MON2: variants seen among roughly 807,000 people sequenced by gnomAD.
The protein encoded by MON2 is MON2 regulator of endosome-to-Golgi trafficking.
Under a neutral mutation model 208.6 loss-of-function variants are expected in MON2, and 84 were observed. The observed-to-expected ratio is 0.40, with a 90% CI of 0.34 to 0.48. MON2 has a LOEUF of 0.48. Ranked by LOEUF, MON2 falls within the 20% of genes least tolerant of loss-of-function variation. The pLI is 0.59. For missense variants in MON2, 1,611 were observed against 2,015.4 expected, an observed-to-expected ratio of 0.80 and a Z score of 3.84; for synonymous variants, 660 against 694.0, an observed-to-expected ratio of 0.95 and a Z score of 0.77.
At chr12:62,471,473 C>T (rs1002606778) in intron 1 of MON2, among the ~76,000 whole-genome samples, 3 of 152,178 alleles carry the variant, frequency 2.0e-5, no homozygotes, top group African/African-American at 7.2e-5. Flanking sequence ...CGTGAGCCAC[C>T]ACACCCAGCA....
intron 2 of MON2, among the ~76,000 whole-genome samples, chr12:62,485,696 TTTTG>T (rs1292217965): frequency 2.6e-5 from 4 of 152,150 alleles, no homozygotes; most frequent in African/African-American, 4.8e-5. Context: ...AGTGGGTTTT[TTTTG>T]TTTGTCTGTT....
At chr12:62,488,652 A>G (rs555635691) in intron 2 of MON2, among the ~76,000 whole-genome samples, 2 of 152,290 alleles carry the variant, frequency 1.3e-5, no homozygotes, top group South Asian at 4.1e-4. Flanking sequence ...TCTAAAATCC[A>G]GGCTAGAAGA....
intron 2 of MON2, among the ~76,000 whole-genome samples, chr12:62,487,162 A>G (rs1355333827): frequency 1.3e-5 from 2 of 152,248 alleles, no homozygotes; most frequent in African/African-American, 4.8e-5. Context: ...CATTATTTCA[A>G]AATTTCCATT....
rs982285221 is a variant in MON2, at chr12:62,596,231, C to T, written c.*3482C>T. On this transcript the variant is annotated 3_prime_UTR_variant, in exon 35 of 35. Coordinates refer to ENST00000393630, the MANE Select transcript of MON2 (RefSeq NM_015026.3). ...GAGGTGGTCATTATTACATTTGTGT[C>T]AATGAAGGGCAGTGTAGTTATTTTA... is the stretch of plus-strand genomic sequence containing the variant. 6.6e-6 allele frequency: 1 copy of T among 152,138 alleles called. No individual in the cohort carries two copies. Among genetic ancestry groups the T allele is most frequent in the African/African-American group, 2.4e-5 (1 of 41,420 alleles). 9.4% of individuals were successfully genotyped at this position (152,138 alleles called of 1,614,324 possible).
intron 7 of MON2, among the ~76,000 whole-genome samples, chr12:62,503,809 C>G (rs965465919): frequency 1.3e-5 from 2 of 152,148 alleles, no homozygotes; most frequent in African/African-American, 4.8e-5. Context: ...GGCTTGCTGT[C>G]TTACTTTTTT....
At chr12:62,566,253 C>G (rs774237885) in intron 28 of MON2, 69 bp from the exon 29 acceptor site, 2 of 1,545,816 alleles carry the variant, frequency 1.3e-6, no homozygotes, top group Non-Finnish European at 1.8e-6. Flanking sequence ...GATGCTTTCT[C>G]TTTGAAAACA....
rs2075537558 is a variant in MON2 at position 62,596,855 on chromosome 12, T to C, written c.*4106T>C. ...TATATACAGACCATTTCAGAGGAAG[T>C]TAAATGTCTTACAAATCCAATACTT... is the stretch of plus-strand genomic sequence containing the variant. On this transcript the variant is annotated 3_prime_UTR_variant, in exon 35 of 35. Transcript: ENST00000393630. 6.6e-6 allele frequency: 1 copy of C among 152,208 alleles called. No homozygotes were observed. Among genetic ancestry groups the C allele is most frequent in the South Asian group, 2.1e-4 (1 of 4,832 alleles). 9.4% of individuals were successfully genotyped at this position (152,208 alleles called of 1,614,324 possible).
In MON2 at chr12:62,596,823, C is replaced by G. The variant is rs1385460658; in HGVS notation, c.*4074C>G. ...AGAAAGAGAGATGATATCTTTGTAT[C>G]TTGATTTATATACAGACCATTTCAG... On this transcript the variant is annotated 3_prime_UTR_variant, in exon 35 of 35. Coordinates refer to ENST00000393630, the MANE Select transcript of MON2 (RefSeq NM_015026.3). 6.6e-6 allele frequency: 1 copy of G among 152,134 alleles called. No individual in the cohort carries two copies. Among genetic ancestry groups the G allele is most frequent in the East Asian group, 1.9e-4 (1 of 5,186 alleles). The allele number at this position is 152,134 out of a possible 1,614,324, so 9.4% of individuals were successfully genotyped here. A position where few individuals can be genotyped will look rare whatever the true frequency, so the allele number is the denominator to read the frequency against.
chr12:62,588,189 T>C (rs1330512298), intron 34 of MON2, 33 bp downstream of exon 34: 1 of 1,398,410 alleles, frequency 7.2e-7, no homozygotes. Flanking sequence ...TCTAAATTCG[T>C]AACATTTATG....
At chr12:62,584,954 A>G (rs942803101) in intron 32 of MON2, among the ~76,000 whole-genome samples, 1 of 151,906 alleles carries the variant, frequency 6.6e-6, no homozygotes, top group East Asian at 1.9e-4. Context: ...TATATTTTAC[A>G]GTGCTGTTTT....
intron 30 of MON2, among the ~76,000 whole-genome samples, chr12:62,572,501 A>C (rs923127088): frequency 6.6e-6 from 1 of 152,210 alleles, no homozygotes; most frequent in South Asian, 2.1e-4. Context: ...ACCCAAGTGC[A>C]GCAGTGTGAT....
intron 8 of MON2, among the ~76,000 whole-genome samples, chr12:62,509,623 C>G (rs2071289570): frequency 6.6e-6 from 1 of 152,104 alleles, no homozygotes; most frequent in African/African-American, 2.4e-5. Context: ...AGATTATGCT[C>G]AAGGATAGAG....
chr12:62,489,053 A>C (rs1565964518), intron 2 of MON2, among the ~76,000 whole-genome samples: 1 of 152,130 alleles, frequency 6.6e-6, no homozygotes. Context: ...TATTTCAGCA[A>C]GTGGATTGTA....
chr12:62,582,902 C>T (rs2075054978), intron 32 of MON2, among the ~76,000 whole-genome samples: 1 of 151,612 alleles, frequency 6.6e-6, no homozygotes, highest in South Asian at 2.1e-4. Flanking sequence ...AGAGAAAGAC[C>T]AAAACAAATG....
chr12:62,585,632 T>C, intron 33 of MON2, 131 bp downstream of exon 33: 1 of 690,280 alleles, frequency 1.4e-6, no homozygotes, highest in Non-Finnish European at 2.3e-6. Flanking sequence ...ATCTTATTTA[T>C]CCCATATGGT....
At chr12:62,478,121 T>TTGTGTGTGTG (rs59861392) in intron 1 of MON2, among the ~76,000 whole-genome samples, 31 of 149,794 alleles carry the variant, frequency 2.1e-4, no homozygotes, top group Admixed American at 8.0e-4. Context: ...TAGATATAAT[T>TTGTGTGTGTG]TGTGTGTGTG....
intron 19 of MON2, 75 bp downstream of exon 19, chr12:62,538,580 G>GT: frequency 1.0e-6 from 1 of 992,992 alleles, no homozygotes; most frequent in Non-Finnish European, 1.5e-6. Context: ...TGATCTTAGT[G>GT]TTTTACTAGT....
intron 12 of MON2, among the ~76,000 whole-genome samples, chr12:62,534,589 T>TTTATATATATATA (rs2072876704): frequency 7.5e-6 from 1 of 133,718 alleles, no homozygotes; most frequent in Non-Finnish European, 1.6e-5. Flanking sequence ...TATATAAAAT[T>TTTATATATATATA]TAACGTGTAC....
chr12:62,597,232 T>A lies in MON2; in HGVS notation c.*4483T>A, dbSNP rs1341083611. ...ACTTTCTTCCCTCCCCTTCTCTCTT[T>A]TATGTTTTTATCCTTGTTAAATTTT... is the stretch of plus-strand genomic sequence containing the variant. On this transcript the variant is annotated 3_prime_UTR_variant, in exon 35 of 35. Coordinates refer to ENST00000393630, the MANE Select transcript of MON2 (RefSeq NM_015026.3). 1 of 152,104 alleles carries A rather than the reference T, an allele frequency of 6.6e-6. No individual in the cohort carries two copies. The highest frequency in any genetic ancestry group is 1.5e-5 in the Non-Finnish European group (1 of 68,010). 9.4% of individuals were successfully genotyped at this position (152,104 alleles called of 1,614,324 possible).
Sources: allele counts gnomAD v4.1 joint callset (sites outside exome capture counted in the v4.1 genomes callset), GRCh38; gene constraint gnomAD v4.1.1; transcripts MANE v1.5; gene names NCBI Gene and HGNC (gene_info 2026-07-23, HGNC 2026-07-21).